The following DST variants were observed in gnomAD, a reference collection of about 807,000 sequenced individuals.
DST encodes the protein bullous pemphigoid antigen.
In DST, 253 loss-of-function variants were observed where a neutral mutation model predicts 875.2. The ratio of observed to expected loss-of-function variants is 0.29; its 90% CI spans 0.26 to 0.32. The LOEUF (loss-of-function observed/expected upper bound fraction) is 0.32. Ranked by LOEUF, DST falls within the 10% of genes least tolerant of loss-of-function variation. The pLI, the probability that DST is intolerant of heterozygous loss-of-function variation, is 1.00. For missense variants in DST, 8,287 were observed against 9,111.6 expected, an observed-to-expected ratio of 0.91 and a Z score of 3.68; for synonymous variants, 3,124 against 3,197.1, an observed-to-expected ratio of 0.98 and a Z score of 0.77.
intron 47 of DST, among the ~76,000 whole-genome samples, chr6:56,595,951 T>C (rs2098374224): frequency 6.6e-6 from 1 of 152,144 alleles, no homozygotes; most frequent in African/African-American, 2.4e-5. Flanking sequence ...AGCTAGACGT[T>C]CCTGGCTCAG....
intron 3 of DST, among the ~76,000 whole-genome samples, chr6:56,867,488 G>T (rs1307847123): frequency 2.0e-5 from 3 of 152,152 alleles, no homozygotes; most frequent in South Asian, 2.1e-4. Flanking sequence ...GTTTTTAAAA[G>T]ATTTAAAAAC....
At chr6:56,644,431 G>T (rs190192730) in intron 15 of DST, among the ~76,000 whole-genome samples, 3 of 151,986 alleles carry the variant, frequency 2.0e-5, no homozygotes, top group African/African-American at 7.3e-5. Context: ...CAATGTGTAA[G>T]GCACAGAGAA....
At chr6:56,885,277 G>A (rs917106158) in intron 3 of DST, among the ~76,000 whole-genome samples, 3 of 152,148 alleles carry the variant, frequency 2.0e-5, no homozygotes, top group Non-Finnish European at 2.9e-5. Flanking sequence ...AGGACAAAAG[G>A]CTTGGCTTCA....
chr6:56,669,167 A>C (rs2099086866), intron 10 of DST, among the ~76,000 whole-genome samples: 1 of 152,060 alleles, frequency 6.6e-6, no homozygotes, highest in Non-Finnish European at 1.5e-5. Flanking sequence ...TTTTTATTGT[A>C]ATCAAATAAA....
In DST at chr6:56,629,441, T is replaced by C; in HGVS notation, c.4284A>G (p.Gln1428=). 1.2e-6 allele frequency: 2 copies of C among 1,610,606 alleles called. No homozygotes were observed. Among genetic ancestry groups the C allele is most frequent in the Non-Finnish European group, 8.5e-7 (1 of 1,177,176 alleles). Residue 1428 remains glutamine (Q), a splice_region_variant and synonymous_variant, in exon 32 of 104, where the codon CAA becomes CAG. Transcript: ENST00000680361. ...TCTTTTCATCTACTTCAGATCTCCATTGCTAAAATACATTAATTGGTAAAA... is the reference window on the plus strand; with the variant it reads ...TCTTTTCATCTACTTCAGATCTCCACTGCTAAAATACATTAATTGGTAAAA... The part of the protein sequence containing the change: ...NIENLISTLK[Q]WRSEVDEKRQ...
intron 2 of DST, among the ~76,000 whole-genome samples, chr6:56,932,757 T>G (rs895741764): frequency 6.6e-6 from 1 of 151,678 alleles, no homozygotes; most frequent in African/African-American, 2.4e-5. Context: ...AATCCCCATA[T>G]CTGGTGCCCT....
At chr6:56,647,688 GTTT>G (rs111620249) in intron 13 of DST, among the ~76,000 whole-genome samples, 1 of 126,878 alleles carries the variant, frequency 7.9e-6, no homozygotes, top group Non-Finnish European at 1.7e-5. Flanking sequence ...TTTTTGTAAT[GTTT>G]TTTTTTTTTT....
At chr6:56,831,884 C>G (rs1182021784) in intron 4 of DST, among the ~76,000 whole-genome samples, 1 of 151,864 alleles carries the variant, frequency 6.6e-6, no homozygotes, top group East Asian at 1.9e-4. Context: ...TAATTTCTGA[C>G]TAGAAATATG....
intron 94 of DST, 186 bp downstream of exon 94, chr6:56,471,873 T>C: frequency 1.5e-6 from 1 of 658,570 alleles, no homozygotes; most frequent in Non-Finnish European, 2.7e-6. Flanking sequence ...AAATCCCATA[T>C]ATCAATATTT....
chr6:56,602,913 T>C lies in DST; in HGVS notation c.11276A>G (p.Glu3759Gly), dbSNP rs1395087501. 2.0e-5 allele frequency: 32 copies of C among 1,564,388 alleles called. No homozygotes were observed. The highest frequency in any genetic ancestry group is 2.7e-5 in the Non-Finnish European group (32 of 1,164,148). Reference sequence around the variant, plus strand: ...AAACTCCAAACGTTTCTTTACATACTCAGAATCTTGAACATTCACAATCTC... The same window carrying C: ...AAACTCCAAACGTTTCTTTACATACCCAGAATCTTGAACATTCACAATCTC... ...DIEIVNVQDS[E>G]YVKKRLEFLK... Residue 3759 changes from glutamate to glycine, a missense_variant, in exon 43 of 104, where the codon GAG (glutamate) becomes GGG (glycine). By Grantham distance (98) the Glu-to-Gly change is moderately conservative. Transcript: ENST00000680361.
rs372505269 is a variant in DST at position 56,560,342 on chromosome 6, G to T, written c.14392C>A (p.Pro4798Thr). 6.2e-7 allele frequency: 1 copy of T among 1,610,572 alleles called. No individual in the cohort carries two copies. The highest frequency in any genetic ancestry group is 1.7e-4 in the Middle Eastern group (1 of 6,052). The change falls in exon 58 of 104, where the codon CCA (proline) becomes ACA (threonine). Residue 4798 changes from proline to threonine, a missense_variant. Pro to Thr is a conservative substitution (Grantham distance 38, BLOSUM62 -1). Coordinates refer to ENST00000680361, the MANE Select transcript of DST (RefSeq NM_001374736.1). ...DKLTELLEEN[P>T]DTPEAPRWKQ... Reference sequence around the variant, plus strand: ...CATCTGGGGGCCTCAGGAGTATCTGGGTTCTCCTCCAACAGCTCTGTCAAT... The same window carrying T: ...CATCTGGGGGCCTCAGGAGTATCTGTGTTCTCCTCCAACAGCTCTGTCAAT...
chr6:56,944,524 A>G (rs2613119), intron 2 of DST, among the ~76,000 whole-genome samples: 132,189 of 152,160 alleles, frequency 0.87, 57,601 homozygotes, highest in East Asian at 1. Flanking sequence ...AAAGAAATAG[A>G]AAGAGGCTTT....
intron 29 of DST, 66 bp downstream of exon 29, chr6:56,631,817 A>G (rs2098783443): frequency 6.8e-7 from 1 of 1,473,738 alleles, no homozygotes; most frequent in African/African-American, 1.4e-5. Flanking sequence ...TTAAGAAGTC[A>G]CAAGAGTTGA....
chr6:56,939,372 A>G (rs1815078315), intron 2 of DST, among the ~76,000 whole-genome samples: 1 of 152,230 alleles, frequency 6.6e-6, no homozygotes, highest in African/African-American at 2.4e-5. Context: ...AGGTCCAGAG[A>G]CAGAAGCAGG....
rs533176010 is a variant in DST, at chr6:56,645,826, C to T, written c.1778+40G>A. 2.0e-5 allele frequency: 32 copies of T among 1,604,726 alleles called. No homozygotes were observed. The African/African-American group carries it at 4.0e-4, about 20-fold the overall frequency. On this transcript the variant is annotated intron_variant, in intron 15 of 103. Coordinates refer to ENST00000680361, the MANE Select transcript of DST (RefSeq NM_001374736.1). ...TTTCACAAGAACACAAAGGCCCCCT[C>T]CCCACTTGATATTCATGGCAGAAAA...
intron 102 of DST, chr6:56,461,063 T>C (rs978641754): frequency 2.0e-5 from 3 of 152,186 alleles, no homozygotes; most frequent in African/African-American, 7.2e-5. Context: ...TAATATAATA[T>C]TCCTCAATGA....
intron 13 of DST, among the ~76,000 whole-genome samples, chr6:56,646,704 G>A (rs2098944894): frequency 6.6e-6 from 1 of 151,966 alleles, no homozygotes; most frequent in Admixed American, 6.6e-5. Context: ...TTGAACAAAT[G>A]AAGGTAGATG....
intron 2 of DST, among the ~76,000 whole-genome samples, chr6:56,932,423 G>C (rs1004133057): frequency 8.5e-5 from 13 of 152,220 alleles, no homozygotes; most frequent in South Asian, 6.2e-4. Context: ...GACTAATAGA[G>C]GGGCATTTAA....
rs376995632 is a variant in DST at position 56,494,139 on chromosome 6, C to T, written c.20265G>A (p.Lys6755=). ...AAFEAKEETY[K]SLMQKGQQML... ...TCTGCTGGCCTTTCTGCATCAGACT[C>T]TTATATGTTTCTTCTTTAGCTTCAA... The change falls in exon 83 of 104, where the codon AAG becomes AAA. Residue 6755 remains lysine (K), a synonymous_variant. Transcript: ENST00000680361. 2 of 1,609,296 alleles carry T rather than the reference C, an allele frequency of 1.2e-6. No individual in the cohort carries two copies. Among genetic ancestry groups the T allele is most frequent in the Non-Finnish European group, 8.5e-7 (1 of 1,177,098 alleles).
Sources: gnomAD v4.1 joint callset for allele counts (sites outside exome capture counted in the v4.1 genomes callset) on GRCh38, gnomAD v4.1.1 for gene constraint, MANE v1.5 for transcripts, NCBI Gene and HGNC (gene_info 2026-07-23, HGNC 2026-07-21) for gene names.